INPP4A: variants seen among roughly 807,000 people sequenced by gnomAD.
INPP4A encodes inositol polyphosphate-4-phosphatase, type I, 107kD.
In INPP4A, 33 loss-of-function variants were observed where a neutral mutation model predicts 119.8. That is an observed-to-expected ratio of 0.28 (90% confidence interval 0.21 to 0.37). INPP4A has a LOEUF of 0.37. Among genes scored for constraint, INPP4A ranks in the 10% least tolerant of loss-of-function variants. The probability of loss-of-function intolerance (pLI) is 1.00; values close to 1 mark genes in which losing one functional copy is unlikely to be tolerated. For missense variants in INPP4A, 956 were observed against 1,289.9 expected (o/e 0.74, Z 3.97); for synonymous variants, 496 against 500.7 (o/e 0.99, Z 0.12).
chr2:98,526,931 A>T (rs753323369), intron 4 of INPP4A, among the ~76,000 whole-genome samples: 3 of 152,186 alleles, frequency 2.0e-5, no homozygotes, highest in Non-Finnish European at 4.4e-5. Context: ...GAACTCACTC[A>T]TCACCAAGGG....
At chr2:98,574,345 A>G (rs1048797842) in intron 23 of INPP4A, among the ~76,000 whole-genome samples, 4 of 152,054 alleles carry the variant, frequency 2.6e-5, no homozygotes, top group African/African-American at 7.2e-5. Flanking sequence ...GACACGAAGA[A>G]TACAGAGGGT....
chr2:98,558,105 A>G (rs1187027567), intron 16 of INPP4A, among the ~76,000 whole-genome samples: 2 of 152,246 alleles, frequency 1.3e-5, no homozygotes, highest in African/African-American at 2.4e-5. Flanking sequence ...AAGACAAGTT[A>G]CAAGCCATTA....
intron 1 of INPP4A, among the ~76,000 whole-genome samples, chr2:98,491,264 C>T (rs1680694097): frequency 6.6e-6 from 1 of 152,224 alleles, no homozygotes; most frequent in African/African-American, 2.4e-5. Flanking sequence ...GCAACCACTT[C>T]CCTGAAAGCA....
chr2:98,542,879 T>A (rs906045081), intron 10 of INPP4A, among the ~76,000 whole-genome samples: 132 of 152,120 alleles, frequency 8.7e-4, no homozygotes, highest in African/African-American at 3.0e-3. Context: ...CAGGCCTGAT[T>A]TCATCCACAG....
Position 98,577,090 on chromosome 2 carries a change from C to T in INPP4A, c.2733C>T (p.His911=), listed in dbSNP as rs1164197829. 13 of 1,613,762 alleles carry T rather than the reference C, an allele frequency of 8.1e-6. No individual in the cohort carries two copies. The highest frequency in any genetic ancestry group is 2.2e-5 in the South Asian group (2 of 91,078). Residue 911 remains histidine, a synonymous_variant, in exon 24 of 25, where the codon CAC becomes CAT. Transcript: ENST00000409851. ...VTLEQCLILQ[H]EHGMAPQVFT... Reference sequence around the variant, plus strand: ...TGGAGCAGTGCCTGATCCTGCAACACGAGCATGGCATGGCCCCGCAGGTCT... The same window carrying T: ...TGGAGCAGTGCCTGATCCTGCAACATGAGCATGGCATGGCCCCGCAGGTCT...
At chr2:98,565,557 C>T (rs765398779) in intron 19 of INPP4A, 83 bp from the exon 20 acceptor site, 156 of 1,477,364 alleles carry the variant, frequency 1.1e-4, no homozygotes, top group Non-Finnish European at 1.3e-4. Context: ...CACAGCCAGG[C>T]CTGGGCTTGG....
intron 1 of INPP4A, among the ~76,000 whole-genome samples, chr2:98,454,429 A>T (rs760130390): frequency 6.6e-6 from 1 of 152,104 alleles, no homozygotes; most frequent in Non-Finnish European, 1.5e-5. Context: ...GTAGTGCTGG[A>T]TGTGAACCCA....
intron 1 of INPP4A, among the ~76,000 whole-genome samples, chr2:98,452,416 TC>T (rs1405650334): frequency 1.3e-5 from 2 of 152,184 alleles, no homozygotes; most frequent in African/African-American, 2.4e-5. Flanking sequence ...TAAGAAGACT[TC>T]CAGGTGATTC....
chr2:98,539,482 G>A, intron 9 of INPP4A, 46 bp from the exon 10 acceptor site: 1 of 1,581,274 alleles, frequency 6.3e-7, no homozygotes, highest in South Asian at 1.1e-5. Context: ...AGGCAGGTCT[G>A]CAGCCAGTTC....
At chr2:98,577,235 C>T in intron 24 of INPP4A, 92 bp downstream of exon 24, 1 of 1,335,806 alleles carries the variant, frequency 7.5e-7, no homozygotes, top group East Asian at 2.6e-5. Context: ...GCAGGGCCTA[C>T]CCTGCATGAG....
intron 4 of INPP4A, among the ~76,000 whole-genome samples, chr2:98,530,731 A>G (rs1361423583): frequency 3.9e-5 from 6 of 152,232 alleles, no homozygotes; most frequent in Non-Finnish European, 7.3e-5. Context: ...GAGATAAGAA[A>G]TATGAACAGA....
At chr2:98,564,456 G>A (rs1201584125) in intron 18 of INPP4A, among the ~76,000 whole-genome samples, 184 bp from the exon 19 acceptor site, 2 of 152,210 alleles carry the variant, frequency 1.3e-5, no homozygotes, top group East Asian at 1.9e-4. Flanking sequence ...CAAGCCCACT[G>A]TTGGGCGTCT....
chr2:98,583,952 T>A (rs1699665640), intron 24 of INPP4A, among the ~76,000 whole-genome samples: 1 of 152,228 alleles, frequency 6.6e-6, no homozygotes, highest in South Asian at 2.1e-4. Context: ...GCATCACCTG[T>A]GTGTCACCCC....
intron 23 of INPP4A, among the ~76,000 whole-genome samples, chr2:98,573,507 C>T (rs1311236375): frequency 1.3e-5 from 2 of 152,198 alleles, no homozygotes; most frequent in Admixed American, 6.5e-5. Flanking sequence ...GACTCGGGCA[C>T]ACATGGCCCC....
intron 3 of INPP4A, among the ~76,000 whole-genome samples, chr2:98,520,479 G>A (rs1404236724): frequency 6.6e-6 from 1 of 152,184 alleles, no homozygotes; most frequent in African/African-American, 2.4e-5. Context: ...TTGTGGATGT[G>A]TAGATCTGAG....
rs139683694 is a variant in INPP4A at position 98,524,862 on chromosome 2, A to G, written c.151+4131A>G. On this transcript the variant is annotated intron_variant, in intron 4 of 24. Coordinates refer to ENST00000409851, the MANE Select transcript of INPP4A (RefSeq NM_001134225.2). ...AAACTCAGGGTAGGCAAAGATTTGG[A>G]CAGAGCACAAAAAGCACTGTTTGTT... Among the ~76,000 whole-genome samples, 479 of 152,338 alleles carry G rather than the reference A, an allele frequency of 3.1e-3. 5 individuals are homozygous for G. The highest frequency in any genetic ancestry group is 0.011 in the African/African-American group (454 of 41,574).
At chr2:98,493,042 C>T (rs1309165043) in intron 1 of INPP4A, among the ~76,000 whole-genome samples, 1 of 152,158 alleles carries the variant, frequency 6.6e-6, no homozygotes, top group Admixed American at 6.5e-5. Flanking sequence ...CACCAGCTGC[C>T]CATCAGGTGG....
At chr2:98,562,250 C>T (rs953134415) in intron 17 of INPP4A, among the ~76,000 whole-genome samples, 1 of 152,212 alleles carries the variant, frequency 6.6e-6, no homozygotes, top group Non-Finnish European at 1.5e-5. Flanking sequence ...TAGGCCACCT[C>T]CAACTTTTGA....
At chr2:98,488,747 T>C (rs1680066741) in intron 1 of INPP4A, among the ~76,000 whole-genome samples, 1 of 152,126 alleles carries the variant, frequency 6.6e-6, no homozygotes, top group African/African-American at 2.4e-5. Flanking sequence ...AAGTGGGAGC[T>C]CCTTGGAGAG....
Sources: allele counts gnomAD v4.1 joint callset (sites outside exome capture counted in the v4.1 genomes callset), GRCh38; gene constraint gnomAD v4.1.1; transcripts MANE v1.5; gene names NCBI Gene and HGNC (gene_info 2026-07-23, HGNC 2026-07-21).